Variants in PNPLA7 observed in about 807,000 individuals in gnomAD.
PNPLA7 encodes patatin-like phospholipase domain-containing protein 7.
Under a neutral mutation model 161.7 loss-of-function variants are expected in PNPLA7, and 153 were observed. The observed-to-expected ratio is 0.95, with a 90% CI of 0.83 to 1.08. PNPLA7 has a LOEUF of 1.08. PNPLA7 is among the 50% of genes least tolerant of loss of function. PNPLA7 has a pLI of 0.00. For synonymous variants in PNPLA7, 809 were observed against 782.1 expected, an observed-to-expected ratio of 1.03 and a Z score of -0.57; for missense variants, 1,739 against 1,856.6, an observed-to-expected ratio of 0.94 and a Z score of 1.16.
intron 25 of PNPLA7, among the ~76,000 whole-genome samples, chr9:137,471,732 G>T (rs1015950994): frequency 6.6e-6 from 1 of 151,886 alleles, no homozygotes; most frequent in Non-Finnish European, 1.5e-5. Flanking sequence ...AACTACAGAA[G>T]GCCTAAGTAC....
chr9:137,540,612 G>T lies in PNPLA7; in HGVS notation c.747+30C>A, dbSNP rs749613531. On this transcript the variant is annotated intron_variant, in intron 8 of 34. Transcript: ENST00000406427. This position sits in a 1 kb window ranked among gnomAD's most constrained non-coding sequence, Gnocchi z 5.1. Reference sequence around the variant, plus strand: ...AGGCCTCCGGGGCCAACCCAGGGGCGCCCGGAGGGCCAGGCAGCGGGGGAC... The same window carrying T: ...AGGCCTCCGGGGCCAACCCAGGGGCTCCCGGAGGGCCAGGCAGCGGGGGAC... The T allele has an allele frequency of 6.3e-7, 1 of 1,587,212 alleles. No individual in the cohort carries two copies. The highest frequency in any genetic ancestry group is 8.6e-7 in the Non-Finnish European group (1 of 1,166,086).
chr9:137,508,969 A>C (rs1278124959), intron 12 of PNPLA7: 2 of 152,320 alleles, frequency 1.3e-5, no homozygotes, highest in Non-Finnish European at 2.9e-5. Flanking sequence ...TCAAGAAGAC[A>C]GAATCAGAGC....
intron 12 of PNPLA7, chr9:137,509,404 G>A (rs1228903442): frequency 5.0e-6 from 1 of 198,428 alleles, no homozygotes; most frequent in Non-Finnish European, 1.1e-5. Flanking sequence ...AGTTTAGCCG[G>A]CGTGAGTGAG....
rs778662568 is a variant in PNPLA7 at position 137,479,048 on chromosome 9, C to T, written c.2763+8G>A. Reference sequence around the variant, plus strand: ...CCACGGGCAGGCAGCCTCCTCTCCCCGCCTCACCAGCTTGGGCAGGCTCCT... The same window carrying T: ...CCACGGGCAGGCAGCCTCCTCTCCCTGCCTCACCAGCTTGGGCAGGCTCCT... On this transcript the variant is annotated splice_region_variant and intron_variant, in intron 24 of 34. Coordinates refer to ENST00000406427, the MANE Select transcript of PNPLA7 (RefSeq NM_001098537.3). 4.5e-6 allele frequency: 7 copies of T among 1,565,586 alleles called. No individual in the cohort carries two copies. Among genetic ancestry groups the T allele is most frequent in the Non-Finnish European group, 4.3e-6 (5 of 1,151,748 alleles).
At chr9:137,531,632 G>A (rs1835586479) in intron 8 of PNPLA7, among the ~76,000 whole-genome samples, 1 of 152,198 alleles carries the variant, frequency 6.6e-6, no homozygotes, top group Admixed American at 6.6e-5. Context: ...GACTGAACTA[G>A]AACGACACCC....
At chr9:137,507,825 G>A (rs144357203) in intron 12 of PNPLA7, among the ~76,000 whole-genome samples, 68 of 152,312 alleles carry the variant, frequency 4.5e-4, no homozygotes, top group African/African-American at 1.3e-3. Context: ...AGGCCAAGCC[G>A]GAAGGATCGC....
chr9:137,528,675 T>C (rs959441423), intron 8 of PNPLA7, among the ~76,000 whole-genome samples: 1 of 151,820 alleles, frequency 6.6e-6, no homozygotes, highest in Non-Finnish European at 1.5e-5. Context: ...TTTCTTTTAA[T>C]TGGGGCTTTC....
chr9:137,462,015 C>T lies in PNPLA7; in HGVS notation c.3672G>A (p.Thr1224=). The change falls in exon 32 of 35, where the codon ACG becomes ACA. Residue 1224 remains threonine, a synonymous_variant. Transcript: ENST00000406427. ...ICEVGYQHGR[T]VFDIWGRSGV... ...CGCTGCGGCCCCAGATGTCAAACACCGTGCGCCCGTGCTGGTAGCCCACTT... is the reference window on the plus strand; with the variant it reads ...CGCTGCGGCCCCAGATGTCAAACACTGTGCGCCCGTGCTGGTAGCCCACTT... 1.9e-6 allele frequency: 3 copies of T among 1,600,878 alleles called. No individual in the cohort carries two copies. Among genetic ancestry groups the T allele is most frequent in the Admixed American group, 1.7e-5 (1 of 58,982 alleles).
chr9:137,463,535 G>A lies in PNPLA7; in HGVS notation c.3227-4C>T, dbSNP rs1275182329. 1.3e-6 allele frequency: 2 copies of A among 1,572,686 alleles called. No individual in the cohort carries two copies. The highest frequency in any genetic ancestry group is 8.6e-7 in the Non-Finnish European group (1 of 1,158,470). On this transcript the variant is annotated splice_polypyrimidine_tract_variant and splice_region_variant and intron_variant, in intron 28 of 34. Coordinates refer to ENST00000406427, the MANE Select transcript of PNPLA7 (RefSeq NM_001098537.3). ...CGCACGTACCACCACAGGGAGCCTG[G>A]GGAGGGGGCCCGGAGCTGCTGGTTA...
chr9:137,483,091 C>T (rs1193673994), intron 21 of PNPLA7, among the ~76,000 whole-genome samples: 5 of 152,286 alleles, frequency 3.3e-5, no homozygotes, highest in South Asian at 2.1e-4. Context: ...AGGCCGGTCT[C>T]GAACTCCTGA....
intron 8 of PNPLA7, among the ~76,000 whole-genome samples, chr9:137,525,553 C>T (rs947801294): frequency 2.6e-5 from 4 of 152,142 alleles, no homozygotes; most frequent in Non-Finnish European, 5.9e-5. Flanking sequence ...AGAATGGGGA[C>T]AGCTTATGTC....
chr9:137,482,443 T>C (rs1380289056), intron 21 of PNPLA7, among the ~76,000 whole-genome samples: 1 of 152,176 alleles, frequency 6.6e-6, no homozygotes, highest in East Asian at 1.9e-4. Context: ...AGGAGGAACT[T>C]TGCGTGCACG....
In PNPLA7 at chr9:137,513,026, C is replaced by T. The variant is rs113760976; in HGVS notation, c.1225+2353G>A. Among the ~76,000 whole-genome samples the T allele has an allele frequency of 1.5e-3, 223 of 151,406 alleles. 1 individual carries two copies. The highest frequency in any genetic ancestry group is 5.1e-3 in the African/African-American group (211 of 41,246). ...CATGTAGATTCAGATACCTGATGCCCGATGGCACAAAAAAAGCAAGAGAGA... is the reference window on the plus strand; with the variant it reads ...CATGTAGATTCAGATACCTGATGCCTGATGGCACAAAAAAAGCAAGAGAGA... On this transcript the variant is annotated intron_variant, in intron 12 of 34. Coordinates refer to ENST00000406427, the MANE Select transcript of PNPLA7 (RefSeq NM_001098537.3).
chr9:137,505,183 G>C (rs1833846982), intron 14 of PNPLA7, among the ~76,000 whole-genome samples: 1 of 49,978 alleles, frequency 2.0e-5, no homozygotes, highest in Admixed American at 3.1e-4. Context: ...GCGAGACTCT[G>C]TCTCAAAAAA....
At chr9:137,536,984 G>T (rs1316596344) in intron 8 of PNPLA7, among the ~76,000 whole-genome samples, 1 of 151,690 alleles carries the variant, frequency 6.6e-6, no homozygotes, top group Non-Finnish European at 1.5e-5. Context: ...GCCATCCACC[G>T]AGCCACACTT....
chr9:137,498,247 T>C lies in PNPLA7; in HGVS notation c.1758-2A>G. On this transcript the variant is annotated splice_acceptor_variant, in intron 16 of 34. Transcript: ENST00000406427. LOFTEE classifies it high-confidence loss of function. ...ACGGTCGGCTGCTTCCGCATGATTC[T>C]GCCGGGCAGCCCAGAGTCAATCCTG... 6.2e-7 allele frequency: 1 copy of C among 1,610,204 alleles called. No individual in the cohort carries two copies. Among genetic ancestry groups the C allele is most frequent in the Non-Finnish European group, 8.5e-7 (1 of 1,179,928 alleles).
rs150057501 is a variant in PNPLA7, at chr9:137,481,767, CT to C, written c.2348-745del. ...GTCAGGAGATCCGGTGAAACTCCAT[CT>C]CTACTAAAAATACAAAACTTAGCTG... On this transcript the variant is annotated intron_variant, in intron 21 of 34. Coordinates refer to ENST00000406427, the MANE Select transcript of PNPLA7 (RefSeq NM_001098537.3). Among the ~76,000 whole-genome samples the C allele has an allele frequency of 3.8e-3, 584 of 152,304 alleles. 2 individuals carry two copies. Among genetic ancestry groups the C allele is most frequent in the African/African-American group, 0.013 (558 of 41,572 alleles).
intron 20 of PNPLA7, among the ~76,000 whole-genome samples, chr9:137,491,039 A>G (rs762168406): frequency 2.6e-5 from 4 of 152,256 alleles, no homozygotes; most frequent in Non-Finnish European, 4.4e-5. Flanking sequence ...ATGAAGAGAC[A>G]TCATGGAAAC....
intron 25 of PNPLA7, among the ~76,000 whole-genome samples, chr9:137,474,239 A>G (rs769035758): frequency 6.6e-6 from 1 of 152,226 alleles, no homozygotes; most frequent in Non-Finnish European, 1.5e-5. Context: ...ACCCCGTCTC[A>G]AAACAAACAA....
Sources: gnomAD v4.1 joint callset for allele counts (sites outside exome capture counted in the v4.1 genomes callset) on GRCh38, gnomAD v4.1.1 for gene constraint, Gnocchi (gnomAD v3.1) non-coding constraint, MANE v1.5 for transcripts, NCBI Gene and HGNC (gene_info 2026-07-23, HGNC 2026-07-21) for gene names.